Variants in TEN1 observed in about 807,000 individuals in gnomAD.
TEN1 encodes the protein CST complex subunit TEN1.
In TEN1, 6 loss-of-function variants were observed where a neutral mutation model predicts 9.3. That is an observed-to-expected ratio of 0.65 (90% CI 0.35 to 1.27). The LOEUF (loss-of-function observed/expected upper bound fraction) is 1.27. TEN1 is among the 50% of genes most tolerant of loss of function. The probability of loss-of-function intolerance (pLI) is 0.03; values close to 1 mark genes in which losing one functional copy is unlikely to be tolerated. For synonymous variants in TEN1, 65 were observed against 65.6 expected, an observed-to-expected ratio of 0.99 and a Z score of 0.04; for missense variants, 149 against 158.2, an observed-to-expected ratio of 0.94 and a Z score of 0.31.
At chr17:75,984,758 C>G (rs192755469) in intron 1 of TEN1, 5 of 152,360 alleles carry the variant, frequency 3.3e-5, no homozygotes, top group Admixed American at 6.5e-5. Flanking sequence ...CTGTTCCTGT[C>G]AAGGAACAGA....
chr17:75,998,992 A>G (rs2066234971), intron 3 of TEN1, among the ~76,000 whole-genome samples: 1 of 152,148 alleles, frequency 6.6e-6, no homozygotes, highest in Non-Finnish European at 1.5e-5. Flanking sequence ...CATGAGTGCA[A>G]AAAATTTTTT....
At chr17:75,989,910 T>TAA (rs556439277) in intron 2 of TEN1, among the ~76,000 whole-genome samples, 7 of 140,052 alleles carry the variant, frequency 5.0e-5, no homozygotes, top group East Asian at 4.1e-4. Context: ...CCTGGCTAAT[T>TAA]AAAAAAAAAA....
intron 3 of TEN1, among the ~76,000 whole-genome samples, chr17:75,992,605 C>T (rs1012662912): frequency 1.4e-4 from 21 of 150,914 alleles, no homozygotes; most frequent in African/African-American, 9.8e-5. Context: ...CTCCGCCTCC[C>T]GGGTTCACGC....
intron 1 of TEN1, 183 bp from the exon 2 acceptor site, chr17:75,986,004 A>G: frequency 2.4e-6 from 1 of 411,162 alleles, no homozygotes; most frequent in East Asian, 4.1e-5. Flanking sequence ...CTCGTCATTT[A>G]CATTAGGTAT....
intron 3 of TEN1, among the ~76,000 whole-genome samples, chr17:75,999,095 A>AT (rs2066236185): frequency 6.6e-6 from 1 of 152,008 alleles, no homozygotes; most frequent in African/African-American, 2.4e-5. Context: ...CCTATAATCC[A>AT]TGCATGTTGG....
At chr17:75,980,280 G>C (rs964055479) in intron 1 of TEN1, among the ~76,000 whole-genome samples, 6 of 152,070 alleles carry the variant, frequency 3.9e-5, no homozygotes. Context: ...TGGAGGTTGC[G>C]GTGAGCCAAG....
rs546513805 is a variant in TEN1 at position 75,986,172 on chromosome 17, A to C, written c.-6-15A>C. The C allele has an allele frequency of 7.1e-5, 109 of 1,533,242 alleles. No homozygotes were observed. The South Asian group carries it at 1.3e-3, about 18-fold the overall frequency. The allele number at this position is 1,533,242 out of a possible 1,614,324, so 95.0% of individuals were successfully genotyped here. A position where few individuals can be genotyped will look rare whatever the true frequency, so the allele number is the denominator to read the frequency against. ...TCAGGAATCTTCAAAATCCCTCTCA[A>C]CTATTTGGTTACAGGAGCCCATGAT... On this transcript the variant is annotated splice_polypyrimidine_tract_variant and intron_variant, in intron 1 of 3. Transcript: ENST00000397640.
In TEN1 at chr17:76,000,067, G is replaced by C. The variant is rs1034843246; in HGVS notation, c.251-74G>C. ...CCAGGACTGAGCTGTGGAGGGAACAGCTGGAATGCACCTTGGAGGACGTTG... is the reference window on the plus strand; with the variant it reads ...CCAGGACTGAGCTGTGGAGGGAACACCTGGAATGCACCTTGGAGGACGTTG... On this transcript the variant is annotated intron_variant, in intron 3 of 3. Transcript: ENST00000397640. The surrounding 1 kb of genome is among the most constrained non-coding windows in gnomAD (Gnocchi z 5.9). 2.6e-6 allele frequency: 4 copies of C among 1,517,066 alleles called. No individual in the cohort carries two copies. The African/African-American group carries it at 4.1e-5, about 16-fold the overall frequency. 94.0% of individuals were successfully genotyped at this position (1,517,066 alleles called of 1,614,324 possible). A position where few individuals can be genotyped will look rare whatever the true frequency, so the allele number is the denominator to read the frequency against.
At chr17:75,982,023 T>C (rs1226889160) in intron 1 of TEN1, among the ~76,000 whole-genome samples, 1 of 152,034 alleles carries the variant, frequency 6.6e-6, no homozygotes, top group East Asian at 1.9e-4. Context: ...TGAGACTCTG[T>C]CTCAAAAAAC....
intron 3 of TEN1, among the ~76,000 whole-genome samples, chr17:75,995,768 T>C (rs1437130945): frequency 6.6e-6 from 1 of 152,124 alleles, no homozygotes; most frequent in Non-Finnish European, 1.5e-5. Context: ...GCCTTCTGCT[T>C]TTCTCTCACT....
chr17:75,996,706 C>CA (rs35106916), intron 3 of TEN1, among the ~76,000 whole-genome samples: 20,528 of 95,708 alleles, frequency 0.21, 2,085 homozygotes, highest in Non-Finnish European at 0.29. Flanking sequence ...GAGACCCTGT[C>CA]AAAAAAAAAA....
chr17:75,999,628 C>A (rs1218439573), intron 3 of TEN1, among the ~76,000 whole-genome samples: 1 of 152,088 alleles, frequency 6.6e-6, no homozygotes, highest in Non-Finnish European at 1.5e-5. Context: ...CAGGTGTGAG[C>A]CAGTTCACCT....
intron 3 of TEN1, among the ~76,000 whole-genome samples, chr17:75,995,261 T>C (rs1567898810): frequency 6.6e-6 from 1 of 150,640 alleles, no homozygotes; most frequent in Non-Finnish European, 1.5e-5. Flanking sequence ...GTGTGGTTGC[T>C]CACACCTGTA....
intron 3 of TEN1, among the ~76,000 whole-genome samples, chr17:75,992,863 G>C (rs536829959): frequency 6.7e-6 from 1 of 149,646 alleles, no homozygotes; most frequent in Non-Finnish European, 1.5e-5. Flanking sequence ...GCAGTGGCGC[G>C]ATCTCAGCCC....
At chr17:75,993,959 A>C (rs777902256) in intron 3 of TEN1, among the ~76,000 whole-genome samples, 1 of 151,824 alleles carries the variant, frequency 6.6e-6, no homozygotes, top group Admixed American at 6.6e-5. Flanking sequence ...AGATCGTGCC[A>C]CTGCACTCCA....
At chr17:75,985,341 T>C (rs2066145364) in intron 1 of TEN1, among the ~76,000 whole-genome samples, 1 of 152,014 alleles carries the variant, frequency 6.6e-6, no homozygotes, top group Non-Finnish European at 1.5e-5. Context: ...GGAGATGGGC[T>C]GTTGCCATGT....
chr17:76,000,079 C>T lies in TEN1; in HGVS notation c.251-62C>T. 1 of 1,530,158 alleles carries T rather than the reference C, an allele frequency of 6.5e-7. No individual in the cohort carries two copies. The highest frequency in any genetic ancestry group is 2.5e-5 in the East Asian group (1 of 40,544). 94.8% of individuals were successfully genotyped at this position (1,530,158 alleles called of 1,614,324 possible). Reference sequence around the variant, plus strand: ...TGTGGAGGGAACAGCTGGAATGCACCTTGGAGGACGTTGTTGACACGCCGC... The same window carrying T: ...TGTGGAGGGAACAGCTGGAATGCACTTTGGAGGACGTTGTTGACACGCCGC... On this transcript the variant is annotated intron_variant, in intron 3 of 3. Transcript: ENST00000397640. This position sits in a 1 kb window ranked among gnomAD's most constrained non-coding sequence, Gnocchi z 5.9.
intron 3 of TEN1, among the ~76,000 whole-genome samples, 165 bp downstream of exon 3, chr17:75,991,788 C>T (rs1018033136): frequency 1.3e-5 from 2 of 152,154 alleles, no homozygotes; most frequent in African/African-American, 4.8e-5. Context: ...GGATTCAACT[C>T]AGAGTGGACT....
At position 76,000,016 on chromosome 17, in the gene TEN1, T is replaced by C. The variant is rs1203697486; in HGVS notation, c.251-125T>C. On this transcript the variant is annotated intron_variant, in intron 3 of 3. Transcript: ENST00000397640. The surrounding 1 kb of genome is among the most constrained non-coding windows in gnomAD (Gnocchi z 5.9). ...GTTGCCTTTGCCCCATATGCTGTTA[T>C]TGTCCACATCACTTGCTGCCAAAAC... 4 of 1,423,126 alleles carry C rather than the reference T, an allele frequency of 2.8e-6. No individual in the cohort carries two copies. Among genetic ancestry groups the C allele is most frequent in the Admixed American group, 4.9e-5 (2 of 41,188 alleles). The allele number at this position is 1,423,126 out of a possible 1,614,324, so 88.2% of individuals were successfully genotyped here.
Sources: allele counts gnomAD v4.1 joint callset (sites outside exome capture counted in the v4.1 genomes callset), GRCh38; gene constraint gnomAD v4.1.1; non-coding constraint Gnocchi (gnomAD v3.1); transcripts MANE v1.5; gene names NCBI Gene and HGNC (gene_info 2026-07-23, HGNC 2026-07-21).